SLC28A1: variants seen among roughly 807,000 people sequenced by gnomAD.
The protein encoded by SLC28A1 is sodium/nucleoside cotransporter 1.
SLC28A1 carries 64 observed loss-of-function variants against 74.8 expected under a neutral mutation model. The ratio of observed to expected loss-of-function variants is 0.86; its 90% CI spans 0.70 to 1.05. The LOEUF is 1.05. Among genes scored for constraint, SLC28A1 ranks in the 50% least tolerant of loss-of-function variants. The pLI is 0.00. For missense variants in SLC28A1, 828 were observed against 822.8 expected (o/e 1.01, Z -0.08); for synonymous variants, 359 against 335.0 (o/e 1.07, Z -0.78).
At chr15:84,968,507 G>A in the SLC28A1 span, among the ~76,000 whole-genome samples, 1 of 152,342 alleles carries the variant, frequency 6.6e-6, no homozygotes, top group Non-Finnish European at 1.5e-5. Flanking sequence ...CCTCCACAAT[G>A]GGTGACCCAA....
chr15:84,928,518 G>GTTTCGTTC lies in SLC28A1; in HGVS notation c.1083+4408_1083+4409insTTTCGTTC, dbSNP rs749290216. On this transcript the variant is annotated intron_variant, in intron 12 of 18. Transcript: ENST00000394573. ...TCTTGCCCTTTCCTTCAAGCTCCCA[G>GTTTCGTTC]GTTCGTTCGTTCTTTCTTTCTTTCT... Among the ~76,000 whole-genome samples, 34 of 34,120 alleles carry GTTTCGTTC rather than the reference G, an allele frequency of 1.0e-3. 5 individuals are homozygous for GTTTCGTTC. The highest frequency in any genetic ancestry group is 2.2e-3 in the African/African-American group (32 of 14,274). The allele number at this position is 34,120 out of a possible 152,430, so 22.4% of individuals were successfully genotyped here. A position where few individuals can be genotyped will look rare whatever the true frequency, so the allele number is the denominator to read the frequency against.
chr15:84,945,252 A>T lies in SLC28A1; in HGVS notation c.*52A>T. The T allele has an allele frequency of 6.5e-7, 1 of 1,547,958 alleles. No homozygotes were observed. Among genetic ancestry groups the T allele is most frequent in the Non-Finnish European group, 8.9e-7 (1 of 1,120,342 alleles). On this transcript the variant is annotated 3_prime_UTR_variant, in exon 19 of 19. Coordinates refer to ENST00000394573, the MANE Select transcript of SLC28A1 (RefSeq NM_004213.5). ...CTTCTGAGGGCTGTTCTCCCCCGGG[A>T]ACCATCTGTCCCCACCTTCCCTTTC...
At chr15:84,949,565 A>ATTT (rs11318236), downstream of SLC28A1, among the ~76,000 whole-genome samples, 1,601 of 103,798 alleles carry the variant, frequency 0.015, 33 homozygotes, top group African/African-American at 0.057. Flanking sequence ...TGCCCGGCTA[A>ATTT]TTTTTTTTTT....
intron 12 of SLC28A1, among the ~76,000 whole-genome samples, chr15:84,925,532 G>A (rs1204693188): frequency 1.3e-5 from 2 of 152,052 alleles, no homozygotes; most frequent in African/African-American, 2.4e-5. Context: ...ACTGGGAGGC[G>A]GAGGTTGCAG....
At chr15:84,912,797 T>TGTGCGCGCGCGTGCGCGC (rs1555449050) in intron 9 of SLC28A1, among the ~76,000 whole-genome samples, 1 of 118,250 alleles carries the variant, frequency 8.5e-6, no homozygotes, top group African/African-American at 3.3e-5. Flanking sequence ...TGCCAAATTT[T>TGTGCGCGCGCGTGCGCGC]GCGCGCGCGC....
intron 6 of SLC28A1, among the ~76,000 whole-genome samples, chr15:84,897,220 G>A (rs7169954): frequency 3.0e-5 from 4 of 131,984 alleles, no homozygotes; most frequent in South Asian, 2.3e-4. Context: ...ACTAAAAATA[G>A]CAAAAAAAAA....
intron 15 of SLC28A1, among the ~76,000 whole-genome samples, chr15:84,936,924 A>C (rs1972008133): frequency 6.6e-6 from 1 of 152,040 alleles, no homozygotes; most frequent in Non-Finnish European, 1.5e-5. Context: ...GCAGTGGTGC[A>C]TGCCTGTAGT....
Position 84,894,772 on chromosome 15 carries a change from A to G in SLC28A1, c.278-168A>G, listed in dbSNP as rs548919206. On this transcript the variant is annotated intron_variant, in intron 5 of 18. Coordinates refer to ENST00000394573, the MANE Select transcript of SLC28A1 (RefSeq NM_004213.5). ...CCTCCTAACTACTTTTTGGCACAGT[A>G]GCGGTGGTTGTTTTCATTTCCAGAT... 3.3e-5 allele frequency among the ~76,000 whole-genome samples: 5 copies of G among 152,302 alleles called. No individual in the cohort carries two copies. The East Asian group carries it at 5.8e-4, about 18-fold the overall frequency.
chr15:84,896,580 G>A (rs1430331559), intron 6 of SLC28A1, among the ~76,000 whole-genome samples: 6 of 152,174 alleles, frequency 3.9e-5, no homozygotes, highest in African/African-American at 1.4e-4. Context: ...TTGGGAGGCC[G>A]AGGTGGGTGG....
At chr15:84,971,239 A>T in the SLC28A1 span, among the ~76,000 whole-genome samples, 5 of 152,196 alleles carry the variant, frequency 3.3e-5, no homozygotes, top group African/African-American at 1.2e-4. Context: ...AGCTGTTGAA[A>T]GGGCTAGAGA....
At chr15:84,887,672 T>A in intron 2 of SLC28A1, 73 bp from the exon 3 acceptor site, 1 of 1,580,736 alleles carries the variant, frequency 6.3e-7, no homozygotes, top group East Asian at 2.3e-5. Context: ...CCTCTCCCCT[T>A]TCCCCGGGCC....
intron 12 of SLC28A1, among the ~76,000 whole-genome samples, chr15:84,929,687 C>G (rs1971056050): frequency 3.9e-5 from 6 of 152,248 alleles, no homozygotes; most frequent in African/African-American, 1.4e-4. Context: ...ACCCCTATCT[C>G]CACAAAAAAT....
chr15:84,944,297 A>C, intron 16 of SLC28A1, among the ~76,000 whole-genome samples: 1 of 152,214 alleles, frequency 6.6e-6, no homozygotes, highest in Non-Finnish European at 1.5e-5. Flanking sequence ...GCTTGTATTT[A>C]ATCCCAGGTC....
At chr15:84,935,287 G>A (rs376001443) in intron 14 of SLC28A1, 34 bp from the exon 15 acceptor site, 15 of 1,613,364 alleles carry the variant, frequency 9.3e-6, no homozygotes, top group African/African-American at 1.3e-5. Flanking sequence ...CCCAGGCCCA[G>A]CCCTCGGTGC....
chr15:84,958,041 A>C, the SLC28A1 span, among the ~76,000 whole-genome samples: 1 of 152,176 alleles, frequency 6.6e-6, no homozygotes, highest in Admixed American at 6.5e-5. Flanking sequence ...TTCATTTATT[A>C]AATTTATTCC....
downstream of SLC28A1, among the ~76,000 whole-genome samples, chr15:84,948,125 T>G (rs1216295474): frequency 6.6e-6 from 1 of 152,180 alleles, no homozygotes; most frequent in Non-Finnish European, 1.5e-5. Context: ...TGGGCTACAT[T>G]GACCCCCCTT....
At position 84,944,742 on chromosome 15, in the gene SLC28A1, C is replaced by T. The variant is rs145168603; in HGVS notation, c.1763-14C>T. 33 of 1,609,806 alleles carry T rather than the reference C, an allele frequency of 2.0e-5. No individual in the cohort carries two copies. The African/African-American group carries it at 3.7e-4, about 18-fold the overall frequency. On this transcript the variant is annotated splice_polypyrimidine_tract_variant and intron_variant, in intron 17 of 18. Transcript: ENST00000394573. ...CCCGGGGGCCCTGCCCCACCCACCA[C>T]TTTCCCTCTACAGGGATCCTCTACA...
At position 84,887,716 on chromosome 15, in the gene SLC28A1, C is replaced by T. The variant is rs562769282; in HGVS notation, c.-16-29C>T. 1.1e-5 allele frequency: 17 copies of T among 1,600,712 alleles called. No homozygotes were observed. In the African/African-American group the frequency reaches 1.5e-4, roughly 14 times the overall value. On this transcript the variant is annotated intron_variant, in intron 2 of 18. Coordinates refer to ENST00000394573, the MANE Select transcript of SLC28A1 (RefSeq NM_004213.5). The stretch of plus-strand genomic sequence containing the variant: ...GGGCCCTGCCCGGCCTCCCTTTCAG[C>T]GTTGGGCGCTCCCTGATTTGTCTTT...
chr15:84,910,795 C>T (rs1162170293), intron 9 of SLC28A1, among the ~76,000 whole-genome samples: 2 of 152,206 alleles, frequency 1.3e-5, no homozygotes, highest in African/African-American at 4.8e-5. Context: ...CCTCCCCAGG[C>T]AGCTGCGTTC....
Sources: gnomAD v4.1 joint callset for allele counts (sites outside exome capture counted in the v4.1 genomes callset) on GRCh38, gnomAD v4.1.1 for gene constraint, MANE v1.5 for transcripts, NCBI Gene and HGNC (gene_info 2026-07-23, HGNC 2026-07-21) for gene names.